LTN1: variants seen among roughly 807,000 people sequenced by gnomAD.
The protein encoded by LTN1 is E3 ubiquitin-protein ligase listerin.
In LTN1, 88 loss-of-function variants were observed where a neutral mutation model predicts 201.2. That is an observed-to-expected ratio of 0.44 (90% CI 0.37 to 0.52). The LOEUF is 0.52. LTN1 is among the 20% of genes least tolerant of loss of function. The pLI is 0.00. For missense variants in LTN1, 1,752 were observed against 2,038.7 expected, an observed-to-expected ratio of 0.86 and a Z score of 2.71; for synonymous variants, 645 against 713.5, an observed-to-expected ratio of 0.90 and a Z score of 1.53.
In LTN1 at chr21:28,941,292, G is replaced by A. The variant is rs769531763; in HGVS notation, c.4410C>T (p.Asp1470=). Residue 1470 remains aspartate (D), a synonymous_variant, in exon 25 of 30, where the codon GAC becomes GAT. Transcript: ENST00000361371. ...GAAGGTATCCCAGAACATAACAGAA[G>A]TCTTCACTCAGTGGTTTAATAGTAA... ...QIVTIKPLSE[D]FCYVLGYLLT... 8.7e-6 allele frequency: 14 copies of A among 1,613,138 alleles called. No homozygotes were observed. The highest frequency in any genetic ancestry group is 1.7e-5 in the Admixed American group (1 of 59,936).
At chr21:28,957,576 A>G in intron 14 of LTN1, 100 bp from the exon 15 acceptor site, 1 of 714,416 alleles carries the variant, frequency 1.4e-6, no homozygotes, top group Admixed American at 3.3e-5. Context: ...ACCTGAACAA[A>G]AAGAAATGAT....
At chr21:28,966,301 AAAC>A in intron 10 of LTN1, 66 bp downstream of exon 10, 1 of 1,305,638 alleles carries the variant, frequency 7.7e-7, no homozygotes, top group Non-Finnish European at 1.1e-6. Flanking sequence ...AACAACCAGA[AAAC>A]AATAAGCAGG....
At position 28,943,216 on chromosome 21, in the gene LTN1, T is replaced by C. The variant is rs1322012767; in HGVS notation, c.4295+46A>G. On this transcript the variant is annotated intron_variant, in intron 24 of 29. Coordinates refer to ENST00000361371, the MANE Select transcript of LTN1 (RefSeq NM_015565.3). ...TCCTCTAAAGACATTATAAGTGAGATGGATTATAAGAATTTAATAAAACAA... is the reference window on the plus strand; with the variant it reads ...TCCTCTAAAGACATTATAAGTGAGACGGATTATAAGAATTTAATAAAACAA... The C allele has an allele frequency of 3.4e-6, 4 of 1,169,834 alleles. No individual in the cohort carries two copies. In the Admixed American group the frequency reaches 7.5e-5, roughly 22 times the overall value. 72.5% of individuals were successfully genotyped at this position (1,169,834 alleles called of 1,614,324 possible).
At chr21:28,988,853 T>C (rs2084722383) in intron 1 of LTN1, among the ~76,000 whole-genome samples, 1 of 151,626 alleles carries the variant, frequency 6.6e-6, no homozygotes, top group African/African-American at 2.4e-5. Context: ...TAATCCCAGC[T>C]ACTTGGGAGG....
rs80059896 is a variant in LTN1, at chr21:28,952,726, G to A, written c.3240-462C>T. ...AGCAAAGCATACTCAAAATACTATC[G>A]GCAAGTGATAAACTCCTAAAAAGAA... On this transcript the variant is annotated intron_variant, in intron 17 of 29. Transcript: ENST00000361371. Among the ~76,000 whole-genome samples, 376 of 152,230 alleles carry A rather than the reference G, an allele frequency of 2.5e-3. 1 individual carries two copies. The highest frequency in any genetic ancestry group is 8.7e-3 in the African/African-American group (360 of 41,536).
chr21:28,988,934 C>T (rs1202541104), intron 1 of LTN1, among the ~76,000 whole-genome samples: 1 of 150,356 alleles, frequency 6.7e-6, no homozygotes, highest in East Asian at 1.9e-4. Context: ...CATTGCACTC[C>T]AGCCTGGGCA....
chr21:28,960,049 CAATT>C (rs942500643), intron 12 of LTN1, among the ~76,000 whole-genome samples: 2 of 150,878 alleles, frequency 1.3e-5, no homozygotes, highest in African/African-American at 4.9e-5. Context: ...GATTAATAAA[CAATT>C]AGGGTGCTTA....
intron 25 of LTN1, among the ~76,000 whole-genome samples, chr21:28,938,253 T>C (rs900908035): frequency 2.0e-5 from 3 of 152,294 alleles, no homozygotes; most frequent in Admixed American, 6.5e-5. Context: ...ATTATGCTTA[T>C]GTAGAAACAT....
chr21:28,972,601 C>G (rs1466554945), intron 6 of LTN1, among the ~76,000 whole-genome samples: 1 of 151,828 alleles, frequency 6.6e-6, no homozygotes, highest in African/African-American at 2.4e-5. Flanking sequence ...ACTAGAAGAC[C>G]GAGCAAAAGA....
At position 28,930,442 on chromosome 21, in the gene LTN1, A is replaced by T; in HGVS notation, c.*6T>A. 6.2e-7 allele frequency: 1 copy of T among 1,609,290 alleles called. No individual in the cohort carries two copies. The highest frequency in any genetic ancestry group is 8.5e-7 in the Non-Finnish European group (1 of 1,176,294). On this transcript the variant is annotated 3_prime_UTR_variant, in exon 30 of 30. Transcript: ENST00000361371. ...ACTTCAGGGATCCCTTCCAGTGAAA[A>T]AAATCTCAGAAAAACGTCTCACGAC...
rs976296276 is a variant in LTN1, at chr21:28,964,613, T to A, written c.2163+1252A>T. ...GATATGCCAGTATGAACATATCTAA[T>A]GAAAGAAGCTGCCTAGCTGTAAGGA... On this transcript the variant is annotated intron_variant, in intron 11 of 29. Transcript: ENST00000361371. 6 of 1,549,006 alleles carry A rather than the reference T, an allele frequency of 3.9e-6. No individual in the cohort carries two copies. The African/African-American group carries it at 6.9e-5, about 18-fold the overall frequency.
At chr21:28,985,992 C>A (rs1236561228) in intron 3 of LTN1, 147 bp downstream of exon 3, 4 of 582,270 alleles carry the variant, frequency 6.9e-6, no homozygotes, top group Non-Finnish European at 1.2e-5. Context: ...ACGCTCTTCT[C>A]AAGTGTTAAC....
intron 11 of LTN1, chr21:28,964,795 C>A: frequency 6.6e-7 from 1 of 1,524,912 alleles, no homozygotes; most frequent in Non-Finnish European, 8.9e-7. Flanking sequence ...CATTAGTCTA[C>A]TCTTATCAAA....
chr21:28,939,157 G>C (rs2084278256), intron 25 of LTN1, among the ~76,000 whole-genome samples: 1 of 152,098 alleles, frequency 6.6e-6, no homozygotes, highest in South Asian at 2.1e-4. Context: ...TATTTCAATA[G>C]CATTTACACT....
chr21:28,931,359 A>G (rs745785400), intron 28 of LTN1, 37 bp from the exon 29 acceptor site: 8 of 1,176,862 alleles, frequency 6.8e-6, no homozygotes, highest in Non-Finnish European at 9.5e-6. Flanking sequence ...CTACACACTG[A>G]TAACCACCAA....
At chr21:28,963,869 C>A (rs2146294858) in intron 11 of LTN1, among the ~76,000 whole-genome samples, 1 of 152,252 alleles carries the variant, frequency 6.6e-6, no homozygotes, top group African/African-American at 2.4e-5. Flanking sequence ...TCATGGATGA[C>A]TTTGAGAGGT....
rs768554122 is a variant in LTN1 at position 28,971,379 on chromosome 21, C to T, written c.876G>A (p.Glu292=). The part of the protein sequence containing the change: ...LCQRIPQLMK[E]EASKVSPSVL... The stretch of plus-strand genomic sequence containing the variant: ...CTGATGGGCTCACTTTGGATGCTTC[C>T]TCTTTCATCAACTGTGGAATGCGCT... Residue 292 remains glutamate, a synonymous_variant, in exon 7 of 30, where the codon GAG becomes GAA. Coordinates refer to ENST00000361371, the MANE Select transcript of LTN1 (RefSeq NM_015565.3). 6.2e-7 allele frequency: 1 copy of T among 1,613,966 alleles called. No homozygotes were observed. Among genetic ancestry groups the T allele is most frequent in the African/African-American group, 1.3e-5 (1 of 74,908 alleles).
intron 1 of LTN1, among the ~76,000 whole-genome samples, chr21:28,989,039 A>G (rs1192811045): frequency 1.3e-5 from 2 of 152,054 alleles, no homozygotes; most frequent in Non-Finnish European, 2.9e-5. Context: ...TTTTAAGTTT[A>G]TTAAAATGAA....
In LTN1 at chr21:28,972,435, T is replaced by C. The variant is rs897539117; in HGVS notation, c.811-991A>G. On this transcript the variant is annotated intron_variant, in intron 6 of 29. Coordinates refer to ENST00000361371, the MANE Select transcript of LTN1 (RefSeq NM_015565.3). ...GTCCCTGACATAAAATGGCGTAATA[T>C]AGTCGGCCCTCCATATCCACGGGTT... Among the ~76,000 whole-genome samples the C allele has an allele frequency of 2.4e-5, 3 of 127,588 alleles. No individual in the cohort carries two copies. The Admixed American group carries it at 3.1e-4, about 13-fold the overall frequency. The allele number at this position is 127,588 out of a possible 152,430, so 83.7% of individuals were successfully genotyped here.
Sources: gnomAD v4.1 joint callset for allele counts (sites outside exome capture counted in the v4.1 genomes callset) on GRCh38, gnomAD v4.1.1 for gene constraint, MANE v1.5 for transcripts, NCBI Gene and HGNC (gene_info 2026-07-23, HGNC 2026-07-21) for gene names.